The following HDAC9 variants were observed in gnomAD, a reference collection of about 807,000 sequenced individuals.
HDAC9 encodes histone deacetylase 9.
HDAC9 carries 41 observed loss-of-function variants against 139.4 expected under a neutral mutation model. That is an observed-to-expected ratio of 0.29 (90% CI 0.23 to 0.38). The LOEUF is 0.38. HDAC9 is among the 10% of genes least tolerant of loss of function. The pLI, the probability that HDAC9 is intolerant of heterozygous loss-of-function variation, is 1.00. For missense variants in HDAC9, 1,147 were observed against 1,297.0 expected (o/e 0.88, Z 1.78); for synonymous variants, 517 against 476.2 (o/e 1.09, Z -1.12).
At chr7:18,305,393 A>G (rs919141635) in intron 1 of HDAC9, among the ~76,000 whole-genome samples, 1 of 152,330 alleles carries the variant, frequency 6.6e-6, no homozygotes, top group South Asian at 2.1e-4. Flanking sequence ...AGAAAAAGAA[A>G]TATTGTTAGT....
At position 18,979,031 on chromosome 7, in the gene HDAC9, AT is replaced by A. The variant is rs961414344; in HGVS notation, c.3170+3087del. Among the ~76,000 whole-genome samples the A allele has an allele frequency of 6.9e-4, 104 of 151,272 alleles. No homozygotes were observed. The Middle Eastern group carries it at 0.01, about 15-fold the overall frequency. On this transcript the variant is annotated intron_variant, in intron 25 of 25. Transcript: ENST00000686413. ...CATTTTGACCTGTAAATCGTGTTAC[AT>A]TTTTTTTTAACAAAATCCAGAATAG...
chr7:18,919,758 T>C (rs6972136), intron 22 of HDAC9, among the ~76,000 whole-genome samples: 37,812 of 151,940 alleles, frequency 0.25, 5,011 homozygotes, highest in East Asian at 0.39. Flanking sequence ...CAAATCAAAA[T>C]CTGACTGTCT....
chr7:18,869,747 G>A (rs1463137922), intron 21 of HDAC9, among the ~76,000 whole-genome samples: 1 of 152,152 alleles, frequency 6.6e-6, no homozygotes, highest in East Asian at 1.9e-4. Flanking sequence ...GATTATTGTG[G>A]TGGTGTGAGA....
chr7:18,126,827 A>G (rs1412509587), intron 1 of HDAC9, among the ~76,000 whole-genome samples: 3 of 152,184 alleles, frequency 2.0e-5, no homozygotes, highest in Non-Finnish European at 4.4e-5. Flanking sequence ...TAAAGATAGT[A>G]GTAGTTTGAT....
At position 18,682,656 on chromosome 7, in the gene HDAC9, A is replaced by T. The variant is rs188523982; in HGVS notation, c.1731+16180A>T. ...CTATTGATGTTTTGTTGAAAATGTT[A>T]TAAAGTATAACAAGACTAAAGGTTG... is the stretch of plus-strand genomic sequence containing the variant. On this transcript the variant is annotated intron_variant, in intron 12 of 25. Transcript: ENST00000686413. Among the ~76,000 whole-genome samples the T allele has an allele frequency of 2.6e-5, 4 of 152,088 alleles. No individual in the cohort carries two copies. The East Asian group carries it at 5.8e-4, about 22-fold the overall frequency.
Position 18,799,835 on chromosome 7 carries a change from G to A in HDAC9, c.2322+6383G>A, listed in dbSNP as rs116566284. Among the ~76,000 whole-genome samples, 534 of 152,002 alleles carry A rather than the reference G, an allele frequency of 3.5e-3. 3 individuals carry two copies. Among genetic ancestry groups the A allele is most frequent in the African/African-American group, 0.012 (514 of 41,456 alleles). ...AGTTTCAGAGAAGAAAAGAGAAAGGGGAAGAAAGAATATTTGAAGAAATTA... is the reference window on the plus strand; with the variant it reads ...AGTTTCAGAGAAGAAAAGAGAAAGGAGAAGAAAGAATATTTGAAGAAATTA... On this transcript the variant is annotated intron_variant, in intron 17 of 25. Transcript: ENST00000686413.
intron 2 of HDAC9, among the ~76,000 whole-genome samples, chr7:18,167,171 A>G (rs1313337939): frequency 6.6e-6 from 1 of 151,706 alleles, no homozygotes; most frequent in African/African-American, 2.4e-5. Context: ...CTGTATGTTA[A>G]AGTTATTAAC....
chr7:18,470,623 C>G (rs926619216), intron 1 of HDAC9, among the ~76,000 whole-genome samples: 12 of 152,224 alleles, frequency 7.9e-5, no homozygotes, highest in African/African-American at 2.6e-4. Context: ...TATATGGCCT[C>G]TGCTACAAGG....
chr7:18,237,345 T>G (rs139278209), intron 2 of HDAC9, among the ~76,000 whole-genome samples: 1 of 152,348 alleles, frequency 6.6e-6, no homozygotes, highest in African/African-American at 2.4e-5. Context: ...AACTGCAATT[T>G]ATTAAAGCTT....
intron 1 of HDAC9, among the ~76,000 whole-genome samples, chr7:18,380,776 T>A (rs971850223): frequency 3.7e-4 from 56 of 152,362 alleles, no homozygotes; most frequent in African/African-American, 1.2e-3. Flanking sequence ...TTTTCAAAGC[T>A]GCTTTCTCAT....
intron 17 of HDAC9, among the ~76,000 whole-genome samples, chr7:18,797,572 A>G (rs1176964581): frequency 6.6e-6 from 1 of 152,124 alleles, no homozygotes; most frequent in Non-Finnish European, 1.5e-5. Flanking sequence ...TCATGCCTGT[A>G]ATCCCAGCAC....
chr7:18,931,990 T>C (rs924646827), intron 22 of HDAC9, among the ~76,000 whole-genome samples: 15 of 152,136 alleles, frequency 9.9e-5, no homozygotes, highest in African/African-American at 2.9e-4. Context: ...AACTATACTT[T>C]AGTTAATAAT....
chr7:18,952,430 G>T (rs1422995015), intron 23 of HDAC9, among the ~76,000 whole-genome samples: 5 of 151,954 alleles, frequency 3.3e-5, no homozygotes, highest in African/African-American at 1.2e-4. Flanking sequence ...TTACCCCAAA[G>T]TCACAGGGAA....
At chr7:18,133,932 G>GCACACA (rs112343375) in intron 1 of HDAC9, among the ~76,000 whole-genome samples, 11,410 of 145,776 alleles carry the variant, frequency 0.078, 1,152 homozygotes, top group African/African-American at 0.24. Flanking sequence ...ATACACGCGT[G>GCACACA]CACACACACA....
intron 1 of HDAC9, among the ~76,000 whole-genome samples, chr7:18,425,030 G>T (rs921714046): frequency 6.6e-6 from 1 of 151,936 alleles, no homozygotes; most frequent in Non-Finnish European, 1.5e-5. Context: ...GATATTTGTG[G>T]GTTACCTAGG....
intron 1 of HDAC9, among the ~76,000 whole-genome samples, chr7:18,144,473 C>A (rs1267077543): frequency 1.3e-5 from 2 of 152,194 alleles, no homozygotes; most frequent in African/African-American, 4.8e-5. Context: ...TCTGGTTCAA[C>A]CCCACTCCTA....
At chr7:18,317,639 A>G (rs1799747750) in intron 1 of HDAC9, among the ~76,000 whole-genome samples, 1 of 152,166 alleles carries the variant, frequency 6.6e-6, no homozygotes, top group South Asian at 2.1e-4. Flanking sequence ...CTTGTGCCAT[A>G]TCTGTGTTCT....
intron 1 of HDAC9, among the ~76,000 whole-genome samples, chr7:18,331,571 A>G (rs1800921839): frequency 6.6e-6 from 1 of 151,580 alleles, no homozygotes; most frequent in South Asian, 2.1e-4. Flanking sequence ...GTTTTCATCA[A>G]CCTCAAGTTA....
chr7:18,731,508 G>A (rs114141065), intron 13 of HDAC9, among the ~76,000 whole-genome samples: 1,885 of 152,100 alleles, frequency 0.012, 46 homozygotes, highest in African/African-American at 0.043. Context: ...TTTTTGACAA[G>A]AACAAAAAAT....
Sources: gnomAD v4.1 joint callset for allele counts (sites outside exome capture counted in the v4.1 genomes callset) on GRCh38, gnomAD v4.1.1 for gene constraint, MANE v1.5 for transcripts, NCBI Gene and HGNC (gene_info 2026-07-23, HGNC 2026-07-21) for gene names.